The following ITGB5 variants were observed in gnomAD, a reference collection of about 807,000 sequenced individuals.
ITGB5 encodes the protein integrin beta-5.
Under a neutral mutation model 84.8 loss-of-function variants are expected in ITGB5, and 38 were observed. That is an observed-to-expected ratio of 0.45 (90% CI 0.35 to 0.59). The LOEUF (loss-of-function observed/expected upper bound fraction) is 0.59. ITGB5 is among the 20% of genes least tolerant of loss of function. The pLI, the probability that ITGB5 is intolerant of heterozygous loss-of-function variation, is 0.01. For missense variants in ITGB5, 905 were observed against 1,034.5 expected, an observed-to-expected ratio of 0.87 and a Z score of 1.72; for synonymous variants, 393 against 414.4, an observed-to-expected ratio of 0.95 and a Z score of 0.63.
intron 1 of ITGB5, among the ~76,000 whole-genome samples, chr3:124,894,128 A>ATTTTTTTTTTT (rs1464038480): frequency 4.2e-4 from 26 of 61,896 alleles, no homozygotes; most frequent in Non-Finnish European, 6.2e-4. Flanking sequence ...AAGTTGTGAT[A>ATTTTTTTTTTT]TTTTTCTTTT....
At chr3:124,843,007 C>T (rs573166805) in intron 4 of ITGB5, among the ~76,000 whole-genome samples, 21 of 152,296 alleles carry the variant, frequency 1.4e-4, no homozygotes, top group Non-Finnish European at 2.9e-4. Context: ...CTCTCGGGGC[C>T]GGCGGCAGCG....
At chr3:124,839,464 A>G (rs1314753026) in intron 5 of ITGB5, among the ~76,000 whole-genome samples, 1 of 152,186 alleles carries the variant, frequency 6.6e-6, no homozygotes, top group African/African-American at 2.4e-5. Context: ...ATGCCCTTTC[A>G]ATTCATCTAA....
chr3:124,819,588 T>G, intron 7 of ITGB5, 151 bp downstream of exon 7: 1 of 654,876 alleles, frequency 1.5e-6, no homozygotes, highest in Non-Finnish European at 2.8e-6. Flanking sequence ...ATGCGAATGC[T>G]TAATTGTTTC....
chr3:124,779,090 G>C (rs967947853), intron 10 of ITGB5, among the ~76,000 whole-genome samples: 1 of 152,176 alleles, frequency 6.6e-6, no homozygotes, highest in Admixed American at 6.5e-5. Context: ...CTGACACATG[G>C]GGCATCAGGA....
intron 1 of ITGB5, among the ~76,000 whole-genome samples, chr3:124,879,407 C>T (rs907632121): frequency 1.3e-5 from 2 of 152,244 alleles, no homozygotes; most frequent in Admixed American, 1.3e-4. Context: ...GAATGCTTCT[C>T]CCCACACCCT....
intron 5 of ITGB5, among the ~76,000 whole-genome samples, chr3:124,834,933 TTC>T (rs2064911980): frequency 1.3e-5 from 2 of 152,124 alleles, no homozygotes; most frequent in African/African-American, 4.8e-5. Context: ...TCAGTGGACA[TTC>T]CAAGCAAGAA....
chr3:124,872,270 C>T (rs1934093850), intron 2 of ITGB5, among the ~76,000 whole-genome samples: 1 of 152,140 alleles, frequency 6.6e-6, no homozygotes, highest in Non-Finnish European at 1.5e-5. Flanking sequence ...AAAGCTTGGG[C>T]TCAGAGGTCA....
At chr3:124,874,067 A>T (rs1477694769) in intron 1 of ITGB5, among the ~76,000 whole-genome samples, 3 of 151,380 alleles carry the variant, frequency 2.0e-5, no homozygotes, top group African/African-American at 4.8e-5. Flanking sequence ...GTCAAATAAA[A>T]AAAAAAAAAA....
At chr3:124,888,437 G>T (rs567261466), upstream of ITGB5, among the ~76,000 whole-genome samples, 20 of 152,268 alleles carry the variant, frequency 1.3e-4, no homozygotes, top group East Asian at 3.7e-3. Context: ...TGCAGGAAAG[G>T]ATGCCTTGGG....
At chr3:124,867,210 A>G (rs2065404754) in intron 2 of ITGB5, among the ~76,000 whole-genome samples, 1 of 151,952 alleles carries the variant, frequency 6.6e-6, no homozygotes, top group Non-Finnish European at 1.5e-5. Flanking sequence ...CCATGGCCTC[A>G]CTGTTCTTTT....
upstream of ITGB5, chr3:124,887,526 G>A: frequency 8.7e-6 from 2 of 230,436 alleles, no homozygotes; most frequent in East Asian, 1.3e-4. Flanking sequence ...GGCCGGGCCA[G>A]CTCCGCCCTG....
chr3:124,826,651 C>A (rs375358984), intron 5 of ITGB5, among the ~76,000 whole-genome samples: 2 of 152,262 alleles, frequency 1.3e-5, no homozygotes, highest in East Asian at 1.9e-4. Flanking sequence ...TGCCCACATT[C>A]GTATACAGAG....
At chr3:124,899,951 T>C (rs1205857940) in intron 1 of ITGB5, among the ~76,000 whole-genome samples, 2 of 151,422 alleles carry the variant, frequency 1.3e-5, no homozygotes, top group African/African-American at 4.9e-5. Flanking sequence ...GAGAATACTT[T>C]ATGAAATTTG....
chr3:124,810,295 G>A (rs1247963075), intron 8 of ITGB5, among the ~76,000 whole-genome samples: 1 of 152,154 alleles, frequency 6.6e-6, no homozygotes, highest in East Asian at 1.9e-4. Flanking sequence ...TCAAAAACAG[G>A]CAAAATTAAT....
intron 2 of ITGB5, among the ~76,000 whole-genome samples, chr3:124,861,527 C>CACACACACACAG (rs1483217093): frequency 5.9e-5 from 8 of 135,612 alleles, no homozygotes; most frequent in Middle Eastern, 7.8e-3. Flanking sequence ...CACACACACA[C>CACACACACACAG]AGAGAGATAC....
intron 1 of ITGB5, among the ~76,000 whole-genome samples, chr3:124,893,807 C>T (rs138633986): frequency 5.0e-4 from 76 of 152,194 alleles, no homozygotes; most frequent in Admixed American, 1.0e-3. Context: ...TGTTGAGAAA[C>T]GGAGTACCAA....
chr3:124,859,414 C>T lies in ITGB5; in HGVS notation c.189G>A (p.Arg63=), dbSNP rs1442273594. Residue 63 remains arginine (R), a synonymous_variant, in exon 3 of 15, where the codon CGG becomes CGA. Transcript: ENST00000296181. ...DFGSPRSITS[R]CDLRANLVKN... ...TGACAAGGTTTGCCCTCAGATCACA[C>T]CGAGAGGTGATGGACCGTGGGCTTC... The T allele has an allele frequency of 6.2e-7, 1 of 1,614,024 alleles. No homozygotes were observed. The highest frequency in any genetic ancestry group is 8.5e-7 in the Non-Finnish European group (1 of 1,180,028).
intron 2 of ITGB5, among the ~76,000 whole-genome samples, chr3:124,872,943 A>G (rs2107639074): frequency 6.6e-6 from 1 of 152,306 alleles, no homozygotes; most frequent in South Asian, 2.1e-4. Flanking sequence ...ACATTGTCCC[A>G]AACCTATATC....
chr3:124,766,790 C>T (rs557236171), intron 12 of ITGB5, among the ~76,000 whole-genome samples: 2 of 152,344 alleles, frequency 1.3e-5, no homozygotes, highest in East Asian at 3.9e-4. Context: ...GCCACAGAGG[C>T]CAAGAGGCAG....
Sources: allele counts gnomAD v4.1 joint callset (sites outside exome capture counted in the v4.1 genomes callset), GRCh38; gene constraint gnomAD v4.1.1; transcripts MANE v1.5; gene names NCBI Gene and HGNC (gene_info 2026-07-23, HGNC 2026-07-21).